Variants in SLC39A14 observed in about 807,000 individuals in gnomAD.
SLC39A14 encodes metal cation symporter ZIP14.
A neutral mutation model predicts 45.5 loss-of-function variants in SLC39A14; 19 were observed. That is an observed-to-expected ratio of 0.42 (90% CI 0.29 to 0.61). The LOEUF (loss-of-function observed/expected upper bound fraction) is 0.61, where lower values mean the gene tolerates loss of function less well. Ranked by LOEUF, SLC39A14 falls within the 20% of genes least tolerant of loss-of-function variation. The pLI, the probability that SLC39A14 is intolerant of heterozygous loss-of-function variation, is 0.22. For missense variants in SLC39A14, 447 were observed against 616.5 expected (o/e 0.73, Z 2.91); for synonymous variants, 264 against 251.3 (o/e 1.05, Z -0.48).
intron 1 of SLC39A14, among the ~76,000 whole-genome samples, chr8:22,380,643 G>T (rs992733745): frequency 4.0e-5 from 6 of 151,058 alleles, no homozygotes; most frequent in Non-Finnish European, 8.8e-5. Context: ...CCTACCCCCT[G>T]CCCAACTTAT....
chr8:22,392,692 G>C (rs567556672), intron 1 of SLC39A14: 1 of 152,250 alleles, frequency 6.6e-6, no homozygotes, highest in Non-Finnish European at 1.5e-5. Flanking sequence ...GGCCCTTCCC[G>C]GGTCCCTGCC....
At position 22,420,494 on chromosome 8, in the gene SLC39A14, G is replaced by A. The variant is rs1192161965; in HGVS notation, c.*796G>A. 2 of 985,292 alleles carry A rather than the reference G, an allele frequency of 2.0e-6. No homozygotes were observed. Among genetic ancestry groups the A allele is most frequent in the Admixed American group, 1.2e-4 (2 of 16,258 alleles). 61.0% of individuals were successfully genotyped at this position (985,292 alleles called of 1,614,324 possible). On this transcript the variant is annotated 3_prime_UTR_variant, in exon 9 of 9. Coordinates refer to ENST00000381237, the MANE Select transcript of SLC39A14 (RefSeq NM_001128431.4). Reference sequence around the variant, plus strand: ...CAGGCTGTCTGCAAGAAAACAGTTGGTTTGGCTGTGATTTTGACCTCCTCT... The same window carrying A: ...CAGGCTGTCTGCAAGAAAACAGTTGATTTGGCTGTGATTTTGACCTCCTCT...
rs573004578 is a variant in SLC39A14, at chr8:22,420,450, C to T, written c.*752C>T. On this transcript the variant is annotated 3_prime_UTR_variant, in exon 9 of 9. Coordinates refer to ENST00000381237, the MANE Select transcript of SLC39A14 (RefSeq NM_001128431.4). ...GCCTGGACCTCCTCTTTCAGGTTAACGCTGACAGAATGGAGGCTCAGGCTG... is the reference window on the plus strand; with the variant it reads ...GCCTGGACCTCCTCTTTCAGGTTAATGCTGACAGAATGGAGGCTCAGGCTG... 1.5e-4 allele frequency: 143 copies of T among 985,418 alleles called. No individual in the cohort carries two copies. The African/African-American group carries it at 2.3e-3, about 16-fold the overall frequency. 61.0% of individuals were successfully genotyped at this position (985,418 alleles called of 1,614,324 possible). A position where few individuals can be genotyped will look rare whatever the true frequency, so the allele number is the denominator to read the frequency against.
intron 7 of SLC39A14, 23 bp from the exon 8 acceptor site, chr8:22,417,628 C>A: frequency 6.2e-7 from 1 of 1,605,684 alleles, no homozygotes; most frequent in Non-Finnish European, 8.5e-7. Context: ...TCGTCCCTCC[C>A]CTTTTCATTC....
chr8:22,421,110 G>C lies in SLC39A14; in HGVS notation c.*1412G>C, dbSNP rs116267324. ...CATATTGATAATGTGAGATTCTTTA[G>C]CCACTTTGGGGAGCCTGTCTCTCCA... On this transcript the variant is annotated 3_prime_UTR_variant, in exon 9 of 9. Coordinates refer to ENST00000381237, the MANE Select transcript of SLC39A14 (RefSeq NM_001128431.4). The C allele has an allele frequency of 3.2e-5, 32 of 985,792 alleles. No individual in the cohort carries two copies. The African/African-American group carries it at 4.5e-4, about 14-fold the overall frequency. The allele number at this position is 985,792 out of a possible 1,614,324, so 61.1% of individuals were successfully genotyped here.
intron 2 of SLC39A14, among the ~76,000 whole-genome samples, chr8:22,407,720 T>C (rs1835308032): frequency 6.6e-6 from 1 of 151,366 alleles, no homozygotes; most frequent in African/African-American, 2.4e-5. Context: ...TTTTTTTTTT[T>C]TTAAGAGACA....
chr8:22,386,140 A>G (rs1015520651), intron 1 of SLC39A14, among the ~76,000 whole-genome samples: 6 of 151,650 alleles, frequency 4.0e-5, no homozygotes, highest in African/African-American at 1.5e-4. Context: ...ACGGGGTTTC[A>G]TTATATGTTG....
rs1295141269 is a variant in SLC39A14, at chr8:22,391,593, G to A, written c.-15-13103G>A. Reference sequence around the variant, plus strand: ...TTCTTTTTTTTTTTTCTTTTGAGATGGAGTCTTTGCTCTGTTGCCCAGGGT... The same window carrying A: ...TTCTTTTTTTTTTTTCTTTTGAGATAGAGTCTTTGCTCTGTTGCCCAGGGT... On this transcript the variant is annotated intron_variant, in intron 1 of 8. Transcript: ENST00000381237. 2.6e-5 allele frequency among the ~76,000 whole-genome samples: 4 copies of A among 151,254 alleles called. No homozygotes were observed. In the South Asian group the frequency reaches 8.4e-4, roughly 32 times the overall value.
At chr8:22,381,558 T>C (rs555136808) in intron 1 of SLC39A14, among the ~76,000 whole-genome samples, 7 of 152,140 alleles carry the variant, frequency 4.6e-5, no homozygotes, top group African/African-American at 1.7e-4. Context: ...GCGTGAGCCA[T>C]AGCGCCCGGC....
intron 2 of SLC39A14, among the ~76,000 whole-genome samples, chr8:22,406,306 C>T (rs1043426692): frequency 6.7e-6 from 1 of 149,754 alleles, no homozygotes; most frequent in African/African-American, 2.5e-5. Flanking sequence ...AAAATTAGCT[C>T]GGTGTGGTGG....
Position 22,422,208 on chromosome 8 carries a change from C to T in SLC39A14, c.*2510C>T. On this transcript the variant is annotated 3_prime_UTR_variant, in exon 9 of 9. Transcript: ENST00000381237. ...CCTCATTTTCCAGATGCACCAGCTC[C>T]TATTAATAAGTTAGCAAGGAAAGTG... The T allele has an allele frequency of 1.0e-6, 1 of 985,428 alleles. No individual in the cohort carries two copies. Among genetic ancestry groups the T allele is most frequent in the Non-Finnish European group, 1.2e-6 (1 of 829,930 alleles). 61.0% of individuals were successfully genotyped at this position (985,428 alleles called of 1,614,324 possible).
intron 8 of SLC39A14, among the ~76,000 whole-genome samples, chr8:22,431,584 G>A (rs1836467960): frequency 6.6e-6 from 1 of 152,212 alleles, no homozygotes; most frequent in Non-Finnish European, 1.5e-5. Context: ...AGCGCTTAGG[G>A]AGTTTCATGA....
chr8:22,402,740 G>T (rs1389490740), intron 1 of SLC39A14, among the ~76,000 whole-genome samples: 2 of 146,642 alleles, frequency 1.4e-5, no homozygotes, highest in African/African-American at 5.1e-5. Context: ...CTGCACTCCA[G>T]CCTGGGCAAT....
chr8:22,411,354 C>T (rs562397567), intron 3 of SLC39A14, among the ~76,000 whole-genome samples: 2 of 152,258 alleles, frequency 1.3e-5, no homozygotes, highest in African/African-American at 4.8e-5. Context: ...GTTCTTTGTG[C>T]TTGAGCCCCT....
At chr8:22,406,104 G>C (rs12674913) in intron 2 of SLC39A14, among the ~76,000 whole-genome samples, 37,132 of 152,096 alleles carry the variant, frequency 0.24, 5,323 homozygotes, top group East Asian at 0.51. Flanking sequence ...AGGCTCGAGC[G>C]TGGGGTGTCC....
In SLC39A14 at chr8:22,432,813, A is replaced by ATTTT. The variant is rs1200544661; in HGVS notation, c.1333-1077_1333-1074dup. 9.7e-5 allele frequency among the ~76,000 whole-genome samples: 10 copies of ATTTT among 103,550 alleles called. 1 individual carries two copies. Among genetic ancestry groups the ATTTT allele is most frequent in the Admixed American group, 4.9e-4 (5 of 10,146 alleles). The allele number at this position is 103,550 out of a possible 152,430, so 67.9% of individuals were successfully genotyped here. ...CAGGCACCCGCCACAACACCCGGCT[A>ATTTT]TTTTGTTTTTTTTTTTTTTTTGTAG... On this transcript the variant is annotated intron_variant, in intron 8 of 8. Transcript: ENST00000240095.
downstream of SLC39A14, among the ~76,000 whole-genome samples, chr8:22,424,756 A>G (rs1373153080): frequency 6.6e-6 from 1 of 150,962 alleles, no homozygotes; most frequent in Non-Finnish European, 1.5e-5. Context: ...GCCAGGTGCA[A>G]TGGCTCACGC....
chr8:22,422,036 C>T lies in SLC39A14; in HGVS notation c.*2338C>T. ...CTTGAGTCGCCACTGATTGTGGCAA[C>T]AGCTTTGCCTCATGAGTCAAAAATT... is the stretch of plus-strand genomic sequence containing the variant. On this transcript the variant is annotated 3_prime_UTR_variant, in exon 9 of 9. Transcript: ENST00000381237. 12 of 985,442 alleles carry T rather than the reference C, an allele frequency of 1.2e-5. No homozygotes were observed. Among genetic ancestry groups the T allele is most frequent in the Non-Finnish European group, 1.4e-5 (12 of 829,922 alleles). 61.0% of individuals were successfully genotyped at this position (985,442 alleles called of 1,614,324 possible).
intron 2 of SLC39A14, among the ~76,000 whole-genome samples, chr8:22,406,631 G>A (rs1018145141): frequency 3.1e-4 from 47 of 152,198 alleles, no homozygotes; most frequent in Admixed American, 2.1e-3. Flanking sequence ...GGCAGAGGTC[G>A]CAGTGAGCGG....
Sources: gnomAD v4.1 joint callset for allele counts (sites outside exome capture counted in the v4.1 genomes callset) on GRCh38, gnomAD v4.1.1 for gene constraint, MANE v1.5 for transcripts, NCBI Gene and HGNC (gene_info 2026-07-23, HGNC 2026-07-21) for gene names.